P4HA2: variants seen among roughly 807,000 people sequenced by gnomAD.
The protein encoded by P4HA2 is prolyl 4-hydroxylase subunit alpha 2.
Under a neutral mutation model 76.9 loss-of-function variants are expected in P4HA2, and 46 were observed. The observed-to-expected ratio is 0.60, with a 90% CI of 0.47 to 0.76. P4HA2 has a LOEUF of 0.76. Among genes scored for constraint, P4HA2 ranks in the 30% least tolerant of loss-of-function variants. The probability of loss-of-function intolerance (pLI) is 0.00; values close to 1 mark genes in which losing one functional copy is unlikely to be tolerated. For synonymous variants in P4HA2, 243 were observed against 254.0 expected (o/e 0.96, Z 0.41); for missense variants, 583 against 669.4 (o/e 0.87, Z 1.42).
At chr5:132,209,706 C>T (rs1374001487) in intron 6 of P4HA2, among the ~76,000 whole-genome samples, 3 of 134,300 alleles carry the variant, frequency 2.2e-5, no homozygotes, top group South Asian at 2.4e-4. Context: ...ACCCGGGAGG[C>T]GGAGGTTACA....
chr5:132,205,569 A>T (rs572006630), intron 8 of P4HA2, among the ~76,000 whole-genome samples: 1 of 152,228 alleles, frequency 6.6e-6, no homozygotes, highest in African/African-American at 2.4e-5. Context: ...AGGCCACGAC[A>T]GAGGTCAGGG....
At position 132,207,761 on chromosome 5, in the gene P4HA2, C is replaced by G. The variant is rs199685327; in HGVS notation, c.1027G>C (p.Asp343His). ...TCGATTTCCTCATCAGACATGACAT[C>G]GTAGTACCTGACGATGTGCGGGCTG... ...WDSPHIVRYY[D>H]VMSDEEIERI... The change falls in exon 8 of 15, where the codon GAT becomes CAT. Residue 343 changes from aspartate to histidine, a missense_variant. Coordinates refer to ENST00000360568, the MANE Select transcript of P4HA2 (RefSeq NM_001017974.2). 7.0e-5 allele frequency: 113 copies of G among 1,613,898 alleles called. No homozygotes were observed. The highest frequency in any genetic ancestry group is 8.7e-5 in the Non-Finnish European group (103 of 1,179,952).
chr5:132,197,772 T>C (rs116019370), intron 12 of P4HA2, among the ~76,000 whole-genome samples: 2,854 of 152,260 alleles, frequency 0.019, 78 homozygotes, highest in African/African-American at 0.06. Context: ...AGCAGAATGG[T>C]GGCTGCCAGG....
At chr5:132,204,033 G>C in intron 9 of P4HA2, 49 bp downstream of exon 9, 2 of 1,480,774 alleles carry the variant, frequency 1.4e-6, no homozygotes, top group Non-Finnish European at 1.9e-6. Context: ...GCACTGAGAA[G>C]TCCTGAAGTT....
In P4HA2 at chr5:132,215,280, T is replaced by C. The variant is rs185603416; in HGVS notation, c.332-1227A>G. ...AGGGGCAAGAACTCAAAGTCAGAGATGAAAACAACCAATTATTCTCTGGGC... is the reference window on the plus strand; with the variant it reads ...AGGGGCAAGAACTCAAAGTCAGAGACGAAAACAACCAATTATTCTCTGGGC... On this transcript the variant is annotated intron_variant, in intron 4 of 14. Coordinates refer to ENST00000360568, the MANE Select transcript of P4HA2 (RefSeq NM_001017974.2). Among the ~76,000 whole-genome samples the C allele has an allele frequency of 2.5e-3, 384 of 152,318 alleles. 1 individual carries two copies. Among genetic ancestry groups the C allele is most frequent in the Non-Finnish European group, 3.8e-3 (258 of 68,020 alleles).
intron 14 of P4HA2, among the ~76,000 whole-genome samples, chr5:132,194,705 G>A (rs1750359610): frequency 6.6e-6 from 1 of 152,208 alleles, no homozygotes; most frequent in Admixed American, 6.5e-5. Flanking sequence ...GCCTTCTTCA[G>A]CTTCCTGTGT....
intron 1 of P4HA2, among the ~76,000 whole-genome samples, chr5:132,223,770 T>C (rs1468126979): frequency 3.3e-5 from 5 of 152,346 alleles, no homozygotes; most frequent in South Asian, 4.1e-4. Flanking sequence ...AGATATAAGA[T>C]AGATACAAAT....
chr5:132,210,331 C>T lies in P4HA2; in HGVS notation c.662G>A (p.Gly221Asp), dbSNP rs540078172. The T allele has an allele frequency of 6.2e-6, 10 of 1,614,078 alleles. No homozygotes were observed. In the Admixed American group the frequency reaches 1.7e-4, roughly 27 times the overall value. The change falls in exon 6 of 15, where the codon GGT (glycine) becomes GAT (aspartate). Residue 221 changes from glycine to aspartate, a missense_variant. Transcript: ENST00000360568. Reference protein sequence around the residue: ...DYLSYAVFQLGDLHRALELTR... With the variant: ...DYLSYAVFQLDDLHRALELTR... Reference sequence around the variant, plus strand: ...GAGCTCCAGGGCACGGTGCAGATCACCCAACTGGAAGACAGCATAGCTGAG... The same window carrying T: ...GAGCTCCAGGGCACGGTGCAGATCATCCAACTGGAAGACAGCATAGCTGAG...
intron 1 of P4HA2, among the ~76,000 whole-genome samples, chr5:132,220,964 C>T (rs1163707910): frequency 6.6e-6 from 1 of 152,220 alleles, no homozygotes; most frequent in Non-Finnish European, 1.5e-5. Context: ...ACACTGACAT[C>T]TCTGGCAGGG....
chr5:132,205,963 G>C (rs1260678314), intron 8 of P4HA2, among the ~76,000 whole-genome samples: 1 of 152,192 alleles, frequency 6.6e-6, no homozygotes, highest in Non-Finnish European at 1.5e-5. Flanking sequence ...CACAGGCCAA[G>C]TTAAGCTCAT....
rs1011182654 is a variant in P4HA2 at position 132,191,421 on chromosome 5, A to G, written c.*1589T>C. On this transcript the variant is annotated 3_prime_UTR_variant, in exon 15 of 15. Coordinates refer to ENST00000360568, the MANE Select transcript of P4HA2 (RefSeq NM_001017974.2). ...CAGCTACTTGGGAGGCTGAGGCAGG[A>G]GAATGGCGTGAACCCGGGAGGCGGA... Among the ~76,000 whole-genome samples the G allele has an allele frequency of 4.7e-5, 7 of 149,132 alleles. No homozygotes were observed. Among genetic ancestry groups the G allele is most frequent in the African/African-American group, 1.7e-4 (7 of 40,542 alleles).
intron 7 of P4HA2, among the ~76,000 whole-genome samples, chr5:132,208,438 G>GGGGA: frequency 1.8e-5 from 1 of 55,126 alleles, no homozygotes; most frequent in Non-Finnish European, 3.7e-5. Flanking sequence ...GGGAGGAGAG[G>GGGGA]GGGGAATGGG....
At chr5:132,199,140 C>T (rs930604667) in intron 10 of P4HA2, among the ~76,000 whole-genome samples, 4 of 152,156 alleles carry the variant, frequency 2.6e-5, no homozygotes, top group African/African-American at 4.8e-5. Flanking sequence ...AGTAAGGCTG[C>T]GGCACAAATG....
At chr5:132,226,925 C>T (rs900683129) in intron 1 of P4HA2, 7 of 152,614 alleles carry the variant, frequency 4.6e-5, no homozygotes, top group Admixed American at 4.6e-4. Context: ...TCTCTGCTCC[C>T]ACTCACATAG....
chr5:132,190,808 A>G lies in P4HA2; in HGVS notation c.*2202T>C, dbSNP rs1749840539. Reference sequence around the variant, plus strand: ...GCCACAGAAGATATTTGCAAAATATATAACAAAGAACTTGTGTACATATTT... The same window carrying G: ...GCCACAGAAGATATTTGCAAAATATGTAACAAAGAACTTGTGTACATATTT... On this transcript the variant is annotated 3_prime_UTR_variant, in exon 15 of 15. Coordinates refer to ENST00000360568, the MANE Select transcript of P4HA2 (RefSeq NM_001017974.2). Among the ~76,000 whole-genome samples, 1 of 152,248 alleles carries G rather than the reference A, an allele frequency of 6.6e-6. No individual in the cohort carries two copies. Among genetic ancestry groups the G allele is most frequent in the South Asian group, 2.1e-4 (1 of 4,838 alleles).
intron 1 of P4HA2, among the ~76,000 whole-genome samples, chr5:132,222,364 G>A (rs943307825): frequency 1.3e-5 from 2 of 152,092 alleles, no homozygotes; most frequent in African/African-American, 4.8e-5. Flanking sequence ...TGCTGCCACG[G>A]CACCCTAGGC....
intron 4 of P4HA2, 107 bp downstream of exon 4, chr5:132,217,090 G>T: frequency 9.7e-7 from 1 of 1,035,784 alleles, no homozygotes; most frequent in Non-Finnish European, 1.4e-6. Context: ...TTTCCACAAT[G>T]TACTTGCCCA....
intron 1 of P4HA2, among the ~76,000 whole-genome samples, chr5:132,223,447 G>A (rs1038726972): frequency 2.6e-5 from 4 of 152,106 alleles, no homozygotes; most frequent in African/African-American, 9.7e-5. Flanking sequence ...ATTTTTAGTA[G>A]AGATGGGGTT....
chr5:132,209,008 G>A, intron 7 of P4HA2, 130 bp downstream of exon 7: 1 of 674,680 alleles, frequency 1.5e-6, no homozygotes, highest in Non-Finnish European at 2.6e-6. Flanking sequence ...CTCAGGAGAT[G>A]CCATGAAAAA....
Sources: gnomAD v4.1 joint callset for allele counts (sites outside exome capture counted in the v4.1 genomes callset) on GRCh38, gnomAD v4.1.1 for gene constraint, MANE v1.5 for transcripts, NCBI Gene and HGNC (gene_info 2026-07-23, HGNC 2026-07-21) for gene names.